The following MYLK variants were observed in gnomAD, a reference collection of about 807,000 sequenced individuals.
MYLK encodes myosin light chain kinase.
MYLK carries 106 observed loss-of-function variants against 203.4 expected under a neutral mutation model. The ratio of observed to expected loss-of-function variants is 0.52; its 90% CI spans 0.45 to 0.61. The LOEUF (loss-of-function observed/expected upper bound fraction) is 0.61, where lower values mean the gene tolerates loss of function less well. MYLK is among the 20% of genes least tolerant of loss of function. MYLK has a pLI of 0.00. For missense variants in MYLK, 2,072 were observed against 2,442.3 expected, an observed-to-expected ratio of 0.85 and a Z score of 3.20; for synonymous variants, 867 against 959.5, an observed-to-expected ratio of 0.90 and a Z score of 1.78.
At chr3:123,786,269 C>T (rs2064519681) in intron 4 of MYLK, among the ~76,000 whole-genome samples, 1 of 150,614 alleles carries the variant, frequency 6.6e-6, no homozygotes, top group Non-Finnish European at 1.5e-5. Flanking sequence ...TGTCACTGCA[C>T]TCCAGCTTGG....
intron 20 of MYLK, chr3:123,681,935 G>A: frequency 6.5e-6 from 3 of 464,660 alleles, no homozygotes; most frequent in Non-Finnish European, 1.2e-5. Context: ...GGAAGTGAAA[G>A]GGCATGAAGG....
intron 2 of MYLK, among the ~76,000 whole-genome samples, chr3:123,838,061 C>G (rs2066514501): frequency 6.6e-6 from 1 of 151,882 alleles, no homozygotes; most frequent in Non-Finnish European, 1.5e-5. Flanking sequence ...AACCACAAAT[C>G]CAAAAATCTC....
chr3:123,747,203 C>G lies in MYLK; in HGVS notation c.373+5128G>C, dbSNP rs1010027974. On this transcript the variant is annotated intron_variant, in intron 5 of 33. Transcript: ENST00000360304. ...GAGAATCCTGGTGTCAGTGGCACCA[C>G]CAGAGCTGCCTTAGTGGTCACCAGG... is the stretch of plus-strand genomic sequence containing the variant. Among the ~76,000 whole-genome samples the G allele has an allele frequency of 2.0e-5, 3 of 152,280 alleles. No homozygotes were observed. In the Middle Eastern group the frequency reaches 0.01, roughly 518 times the overall value.
intron 4 of MYLK, among the ~76,000 whole-genome samples, chr3:123,783,742 C>T (rs974023027): frequency 1.2e-4 from 19 of 152,216 alleles, no homozygotes; most frequent in African/African-American, 4.6e-4. Flanking sequence ...CTCCGTGCAA[C>T]AGTATTACTT....
At chr3:123,863,422 G>C (rs1039828619) in intron 2 of MYLK, among the ~76,000 whole-genome samples, 2 of 144,930 alleles carry the variant, frequency 1.4e-5, no homozygotes, top group Non-Finnish European at 3.0e-5. Flanking sequence ...AAAATGAATA[G>C]GCAAGCTACA....
chr3:123,688,066 T>C (rs1215709774), intron 19 of MYLK, among the ~76,000 whole-genome samples: 4 of 152,072 alleles, frequency 2.6e-5, no homozygotes, highest in Non-Finnish European at 5.9e-5. Flanking sequence ...ACTGGAGTAC[T>C]TCCTTCTTAG....
intron 2 of MYLK, among the ~76,000 whole-genome samples, chr3:123,859,751 C>G (rs888800319): frequency 6.6e-6 from 1 of 152,144 alleles, no homozygotes; most frequent in Non-Finnish European, 1.5e-5. Context: ...GGAAACATGT[C>G]CAACCTCAGT....
At chr3:123,627,413 G>A (rs1200448051) in intron 30 of MYLK, among the ~76,000 whole-genome samples, 6 of 152,132 alleles carry the variant, frequency 3.9e-5, no homozygotes, top group African/African-American at 9.7e-5. Context: ...AATGTCTTAC[G>A]GTGTTGTTGA....
In MYLK at chr3:123,640,951, C is replaced by G. The variant is rs2058812612; in HGVS notation, c.4620-447G>C. Among the ~76,000 whole-genome samples, 1 of 152,208 alleles carries G rather than the reference C, an allele frequency of 6.6e-6. No individual in the cohort carries two copies. Among genetic ancestry groups the G allele is most frequent in the Admixed American group, 6.5e-5 (1 of 15,278 alleles). ...TCCCACAAGCATTTGTTCTGCATAG[C>G]CAGGAACGGAAAAATATCTTCAATC... is the stretch of plus-strand genomic sequence containing the variant. On this transcript the variant is annotated intron_variant, in intron 27 of 33. Transcript: ENST00000360304. The surrounding 1 kb of genome is among the most constrained non-coding windows in gnomAD (Gnocchi z 4.3).
intron 4 of MYLK, among the ~76,000 whole-genome samples, chr3:123,791,330 A>G (rs896322552): frequency 2.6e-5 from 4 of 152,220 alleles, no homozygotes; most frequent in African/African-American, 9.6e-5. Flanking sequence ...CACTTCTTTG[A>G]GGTCACCAGG....
rs773391076 is a variant in MYLK at position 123,733,741 on chromosome 3, T to G, written c.1255A>C (p.Lys419Gln). The change falls in exon 10 of 34, where the codon AAG becomes CAG. Residue 419 changes from lysine to glutamine, a missense_variant. Coordinates refer to ENST00000360304, the MANE Select transcript of MYLK (RefSeq NM_053025.4). ...TCCTTGACCTCCTGGCTTTGGGGCTTGCTCTCAAATTTGGGGAATGCTGAA... is the reference window on the plus strand; with the variant it reads ...TCCTTGACCTCCTGGCTTTGGGGCTGGCTCTCAAATTTGGGGAATGCTGAA... ...RDSAFPKFES[K>Q]PQSQEVKENQ... is the part of the protein sequence containing the mutation. The G allele has an allele frequency of 3.0e-5, 48 of 1,614,096 alleles. No homozygotes were observed. The Admixed American group carries it at 3.0e-4, about 10-fold the overall frequency.
intron 1 of MYLK, among the ~76,000 whole-genome samples, 185 bp downstream of exon 1, chr3:123,884,016 TGCAGC>T (rs2033699938): frequency 6.6e-6 from 1 of 152,200 alleles, no homozygotes; most frequent in South Asian, 2.1e-4. Context: ...AGAAAACTCG[TGCAGC>T]CTGGCGTCAC....
At chr3:123,817,517 C>A (rs115538611) in intron 3 of MYLK, among the ~76,000 whole-genome samples, 1 of 152,098 alleles carries the variant, frequency 6.6e-6, no homozygotes, top group Non-Finnish European at 1.5e-5. Context: ...GTCAGGGGGC[C>A]GTAGCAAGGT....
Position 123,700,523 on chromosome 3 carries a change from C to A in MYLK, c.2945G>T (p.Arg982Leu). 1 of 1,613,264 alleles carries A rather than the reference C, an allele frequency of 6.2e-7. No homozygotes were observed. Among genetic ancestry groups the A allele is most frequent in the South Asian group, 1.1e-5 (1 of 91,010 alleles). ...TTTCTTCTTGCCACCCAGCACTGAGCGAAAATCCGGGGTGGCAGGTTTTGG... is the reference window on the plus strand; with the variant it reads ...TTTCTTCTTGCCACCCAGCACTGAGAGAAAATCCGGGGTGGCAGGTTTTGG... ...PPPKPATPDFRSVLGGKKKLP... is the reference protein window; with the variant it reads ...PPPKPATPDFLSVLGGKKKLP... The change falls in exon 18 of 34, where the codon CGC becomes CTC. Residue 982 changes from arginine to leucine, a missense_variant. Around this residue, in one of 3 missense-constraint regions of MYLK, gnomAD observed 865 missense variants for 1,016.0 expected, o/e 0.85. Coordinates refer to ENST00000360304, the MANE Select transcript of MYLK (RefSeq NM_053025.4).
chr3:123,778,290 A>C (rs546572644), intron 4 of MYLK, among the ~76,000 whole-genome samples: 20 of 152,052 alleles, frequency 1.3e-4, no homozygotes, highest in Non-Finnish European at 2.8e-4. Context: ...ATTCCTCGGG[A>C]GGGTGATAAT....
In MYLK at chr3:123,879,858, G is replaced by A. The variant is rs553713742; in HGVS notation, c.-185-3241C>T. On this transcript the variant is annotated intron_variant, in intron 1 of 33. Coordinates refer to ENST00000360304, the MANE Select transcript of MYLK (RefSeq NM_053025.4). ...TTTAGTAGAGACGGGGTTTCACCGC[G>A]TTAGCCAGGATGGTCTCAATCTCCT... Among the ~76,000 whole-genome samples the A allele has an allele frequency of 9.9e-5, 15 of 152,220 alleles. No individual in the cohort carries two copies. In the East Asian group the frequency reaches 2.1e-3, roughly 22 times the overall value.
At position 123,812,859 on chromosome 3, in the gene MYLK, C is replaced by T. The variant is rs564525001; in HGVS notation, c.-4+18689G>A. Among the ~76,000 whole-genome samples the T allele has an allele frequency of 3.3e-5, 5 of 152,300 alleles. No homozygotes were observed. The East Asian group carries it at 7.7e-4, about 24-fold the overall frequency. Reference sequence around the variant, plus strand: ...TTCGCAGTGCTCCCAAGATGTCCAGCCAGGCATATTGGGGCACTCAGGGTC... The same window carrying T: ...TTCGCAGTGCTCCCAAGATGTCCAGTCAGGCATATTGGGGCACTCAGGGTC... On this transcript the variant is annotated intron_variant, in intron 3 of 33. Coordinates refer to ENST00000360304, the MANE Select transcript of MYLK (RefSeq NM_053025.4).
At chr3:123,782,190 T>C (rs951262083) in intron 4 of MYLK, among the ~76,000 whole-genome samples, 2 of 152,306 alleles carry the variant, frequency 1.3e-5, no homozygotes, top group Middle Eastern at 3.4e-3. Context: ...CAGGGCTCTT[T>C]CCACAACACA....
chr3:123,777,153 C>G (rs961496138), intron 4 of MYLK, among the ~76,000 whole-genome samples: 15 of 152,226 alleles, frequency 9.9e-5, no homozygotes, highest in Non-Finnish European at 2.1e-4. Flanking sequence ...GACTGTATTA[C>G]TATAGTACTA....
Sources: gnomAD v4.1 joint callset for allele counts (sites outside exome capture counted in the v4.1 genomes callset) on GRCh38, gnomAD v4.1.1 for gene constraint, gnomAD v4.1.1 regional missense constraint, Gnocchi (gnomAD v3.1) non-coding constraint, MANE v1.5 for transcripts, NCBI Gene and HGNC (gene_info 2026-07-23, HGNC 2026-07-21) for gene names.